The following GRIN2B variants were observed in gnomAD, a reference collection of about 807,000 sequenced individuals.
The protein encoded by GRIN2B is glutamate ionotropic receptor NMDA type subunit 2B.
GRIN2B carries 5 observed loss-of-function variants against 114.5 expected under a neutral mutation model. That is an observed-to-expected ratio of 0.04 (90% CI 0.02 to 0.09). The LOEUF (loss-of-function observed/expected upper bound fraction) is 0.09. Ranked by LOEUF, GRIN2B falls within the 10% of genes least tolerant of loss-of-function variation. GRIN2B has a pLI of 1.00. For missense variants in GRIN2B, 1,108 were observed against 1,943.5 expected (o/e 0.57, Z 8.08); for synonymous variants, 787 against 745.1 (o/e 1.06, Z -0.92).
At chr12:13,931,765 T>C (rs1867036491) in intron 2 of GRIN2B, among the ~76,000 whole-genome samples, 2 of 152,194 alleles carry the variant, frequency 1.3e-5, no homozygotes, top group Admixed American at 1.3e-4. Context: ...TGCAACTGCA[T>C]AGTCATCCAC....
intron 10 of GRIN2B, among the ~76,000 whole-genome samples, chr12:13,580,539 G>A (rs1311199041): frequency 6.6e-6 from 1 of 152,134 alleles, no homozygotes; most frequent in Admixed American, 6.5e-5. Flanking sequence ...GCCCTTCCAG[G>A]CACCCAAGAG....
chr12:13,580,172 T>A (rs1300127289), intron 10 of GRIN2B, among the ~76,000 whole-genome samples: 1 of 152,088 alleles, frequency 6.6e-6, no homozygotes, highest in Non-Finnish European at 1.5e-5. Flanking sequence ...TGTCACCCAG[T>A]CCCAAGGACA....
intron 2 of GRIN2B, among the ~76,000 whole-genome samples, chr12:13,961,660 T>TGG (rs1419165416): frequency 7.2e-5 from 11 of 152,202 alleles, no homozygotes; most frequent in Admixed American, 6.5e-5. Flanking sequence ...CCACTTACAA[T>TGG]GAAAAATCTA....
intron 4 of GRIN2B, among the ~76,000 whole-genome samples, chr12:13,699,941 G>A (rs568751865): frequency 6.6e-6 from 1 of 150,738 alleles, no homozygotes; most frequent in South Asian, 2.1e-4. Flanking sequence ...CAATCTAGTT[G>A]AGATGGAAAG....
chr12:13,772,673 A>C (rs1863926999), intron 3 of GRIN2B, among the ~76,000 whole-genome samples: 1 of 152,240 alleles, frequency 6.6e-6, no homozygotes, highest in Non-Finnish European at 1.5e-5. Flanking sequence ...ACCTGAACTA[A>C]GAGCAAGAAG....
chr12:13,839,540 A>C (rs1364691868), intron 3 of GRIN2B, among the ~76,000 whole-genome samples: 4 of 152,230 alleles, frequency 2.6e-5, no homozygotes, highest in Non-Finnish European at 5.9e-5. Flanking sequence ...AAGCACTCTC[A>C]TGTATCTCAT....
chr12:13,888,644 G>A (rs567505663), intron 2 of GRIN2B, among the ~76,000 whole-genome samples: 1 of 151,848 alleles, frequency 6.6e-6, no homozygotes, highest in East Asian at 1.9e-4. Context: ...TGAGGCAGGA[G>A]AATCACTTGA....
chr12:13,772,580 C>A (rs1437945358), intron 3 of GRIN2B, among the ~76,000 whole-genome samples: 2 of 152,204 alleles, frequency 1.3e-5, no homozygotes, highest in Non-Finnish European at 2.9e-5. Flanking sequence ...ATATAAAATT[C>A]TCTAAGCACA....
chr12:13,608,549 A>G lies in GRIN2B; in HGVS notation c.2010+54T>C, dbSNP rs1805521. The G allele has an allele frequency of 8.0e-3, 10,553 of 1,320,112 alleles. 66 individuals are homozygous for G. The highest frequency in any genetic ancestry group is 0.011 in the Non-Finnish European group (9,753 of 917,318). 81.8% of individuals were successfully genotyped at this position (1,320,112 alleles called of 1,614,324 possible). ...AAGCAGGTACATGAGAACTTTGAGT[A>G]TGGCTGAGAACAGGATTGAGGGAAA... On this transcript the variant is annotated intron_variant, in intron 10 of 13. Coordinates refer to ENST00000609686, the MANE Select transcript of GRIN2B (RefSeq NM_000834.5).
intron 2 of GRIN2B, among the ~76,000 whole-genome samples, chr12:13,888,674 T>C (rs1175753093): frequency 6.7e-6 from 1 of 149,766 alleles, no homozygotes; most frequent in Non-Finnish European, 1.5e-5. Flanking sequence ...GTGGAGGTTG[T>C]AGAGAGCCGA....
chr12:13,839,487 T>A (rs1185745221), intron 3 of GRIN2B, among the ~76,000 whole-genome samples: 1 of 152,212 alleles, frequency 6.6e-6, no homozygotes, highest in Non-Finnish European at 1.5e-5. Flanking sequence ...CTAGCCAGAA[T>A]ATGAACAATA....
intron 2 of GRIN2B, among the ~76,000 whole-genome samples, chr12:13,932,113 T>C (rs1867044911): frequency 6.6e-6 from 1 of 152,206 alleles, no homozygotes; most frequent in African/African-American, 2.4e-5. Flanking sequence ...TATCTATCTT[T>C]CCAATTCCTT....
chr12:13,956,012 T>C (rs1290036549), intron 2 of GRIN2B, among the ~76,000 whole-genome samples: 1 of 152,140 alleles, frequency 6.6e-6, no homozygotes, highest in African/African-American at 2.4e-5. Flanking sequence ...ATGCGTCCCC[T>C]GTTTGAAGGA....
chr12:13,908,961 G>C (rs1315796694), intron 2 of GRIN2B, among the ~76,000 whole-genome samples: 1 of 152,222 alleles, frequency 6.6e-6, no homozygotes, highest in Non-Finnish European at 1.5e-5. Flanking sequence ...GTTTGGTAAA[G>C]AGTGGAGTGA....
chr12:13,772,953 T>C (rs971885520), intron 3 of GRIN2B, among the ~76,000 whole-genome samples: 1 of 152,180 alleles, frequency 6.6e-6, no homozygotes, highest in Non-Finnish European at 1.5e-5. Flanking sequence ...GTGAAGTAAA[T>C]GCTCTAAGGT....
At chr12:13,583,226 T>A (rs1214362816) in intron 10 of GRIN2B, among the ~76,000 whole-genome samples, 1 of 152,182 alleles carries the variant, frequency 6.6e-6, no homozygotes, top group Non-Finnish European at 1.5e-5. Flanking sequence ...ACCATTACAG[T>A]TTAGCTGGAA....
At chr12:13,770,929 C>T (rs1274544500) in intron 3 of GRIN2B, among the ~76,000 whole-genome samples, 1 of 152,170 alleles carries the variant, frequency 6.6e-6, no homozygotes, top group Non-Finnish European at 1.5e-5. Context: ...CCCTAGGTGC[C>T]TCAACTTTCT....
chr12:13,577,074 T>C (rs147233938), intron 10 of GRIN2B, among the ~76,000 whole-genome samples: 1 of 149,412 alleles, frequency 6.7e-6, no homozygotes, highest in South Asian at 2.1e-4. Context: ...ACTTGACCCC[T>C]GAGTATGGCC....
chr12:13,627,203 G>A (rs911306844), intron 5 of GRIN2B, among the ~76,000 whole-genome samples: 1 of 152,134 alleles, frequency 6.6e-6, no homozygotes, highest in African/African-American at 2.4e-5. Flanking sequence ...ATATATGACA[G>A]CATCAGAGTC....
Sources: allele counts gnomAD v4.1 joint callset (sites outside exome capture counted in the v4.1 genomes callset), GRCh38; gene constraint gnomAD v4.1.1; transcripts MANE v1.5; gene names NCBI Gene and HGNC (gene_info 2026-07-23, HGNC 2026-07-21).